Variants in PLEKHM3 observed in about 807,000 individuals in gnomAD.
The protein encoded by PLEKHM3 is pleckstrin homology domain-containing family M member 3.
A neutral mutation model predicts 81.8 loss-of-function variants in PLEKHM3; 45 were observed. The observed-to-expected ratio is 0.55, with a 90% confidence interval of 0.43 to 0.71. The LOEUF (loss-of-function observed/expected upper bound fraction) is 0.71, where lower values mean the gene tolerates loss of function less well. Among genes scored for constraint, PLEKHM3 ranks in the 30% least tolerant of loss-of-function variants. PLEKHM3 has a pLI of 0.00. For synonymous variants in PLEKHM3, 352 were observed against 356.4 expected, an observed-to-expected ratio of 0.99 and a Z score of 0.14; for missense variants, 788 against 924.3, an observed-to-expected ratio of 0.85 and a Z score of 1.91.
chr2:207,952,185 C>T (rs1384462652), intron 3 of PLEKHM3, among the ~76,000 whole-genome samples: 6 of 152,124 alleles, frequency 3.9e-5, no homozygotes, highest in South Asian at 2.1e-4. Flanking sequence ...GACACATTGT[C>T]GTTTTCTCTG....
chr2:207,984,761 C>A (rs534133139), intron 2 of PLEKHM3, among the ~76,000 whole-genome samples: 4 of 152,136 alleles, frequency 2.6e-5, no homozygotes, highest in African/African-American at 7.2e-5. Flanking sequence ...CTTTTTAAAT[C>A]TATAACAGTT....
At position 207,923,905 on chromosome 2, in the gene PLEKHM3, A is replaced by ATATATATTTTT. The variant is rs1396762429; in HGVS notation, c.1886+7020_1886+7021insAAAAATATATA. 8.5e-4 allele frequency among the ~76,000 whole-genome samples: 24 copies of ATATATATTTTT among 28,324 alleles called. 1 individual carries two copies. Among genetic ancestry groups the ATATATATTTTT allele is most frequent in the Non-Finnish European group, 1.0e-3 (16 of 15,522 alleles). The allele number at this position is 28,324 out of a possible 152,430, so 18.6% of individuals were successfully genotyped here. A position where few individuals can be genotyped will look rare whatever the true frequency, so the allele number is the denominator to read the frequency against. On this transcript the variant is annotated intron_variant, in intron 5 of 7. Transcript: ENST00000427836. ...CATATATATATATATATATATATAT[A>ATATATATTTTT]TTTTTTTTTTTTTTTTTTTCTGAGG...
At chr2:207,961,581 C>G (rs1690735358) in intron 3 of PLEKHM3, among the ~76,000 whole-genome samples, 1 of 151,952 alleles carries the variant, frequency 6.6e-6, no homozygotes, top group Admixed American at 6.6e-5. Flanking sequence ...CTTTTATATC[C>G]ATTTAAGAAA....
chr2:207,853,703 C>T (rs2105800219), intron 7 of PLEKHM3, among the ~76,000 whole-genome samples: 1 of 152,112 alleles, frequency 6.6e-6, no homozygotes, highest in East Asian at 1.9e-4. Flanking sequence ...CACTGCACTC[C>T]AGCCTTGGCG....
intron 5 of PLEKHM3, among the ~76,000 whole-genome samples, chr2:207,915,282 T>C (rs1688950300): frequency 6.6e-6 from 1 of 152,174 alleles, no homozygotes; most frequent in South Asian, 2.1e-4. Context: ...TAGCTGGTAC[T>C]TGGGGTTAAA....
chr2:207,992,126 CTG>C (rs1166596220), intron 2 of PLEKHM3, among the ~76,000 whole-genome samples: 3 of 152,180 alleles, frequency 2.0e-5, no homozygotes, highest in African/African-American at 4.8e-5. Flanking sequence ...CTAGATCACA[CTG>C]TGTTTTATTT....
intron 7 of PLEKHM3, among the ~76,000 whole-genome samples, chr2:207,836,159 A>T (rs956914359): frequency 2.0e-5 from 3 of 152,124 alleles, no homozygotes; most frequent in Non-Finnish European, 4.4e-5. Context: ...GGGCAGCATA[A>T]ATCTCACTTT....
intron 3 of PLEKHM3, among the ~76,000 whole-genome samples, chr2:207,963,834 T>A (rs1690819770): frequency 6.6e-6 from 1 of 152,170 alleles, no homozygotes; most frequent in African/African-American, 2.4e-5. Flanking sequence ...ATGGCTAACA[T>A]ATTGAACATA....
At chr2:207,849,971 A>G (rs1254404481) in intron 7 of PLEKHM3, among the ~76,000 whole-genome samples, 1 of 152,202 alleles carries the variant, frequency 6.6e-6, no homozygotes, top group East Asian at 1.9e-4. Context: ...TGGGAGGTCT[A>G]GGAAACATGG....
chr2:207,826,922 G>C lies in PLEKHM3; in HGVS notation c.*1397C>G, dbSNP rs945357506. The C allele has an allele frequency of 6.6e-6, 1 of 152,120 alleles. No homozygotes were observed. The highest frequency in any genetic ancestry group is 6.5e-5 in the Admixed American group (1 of 15,270). The allele number at this position is 152,120 out of a possible 1,614,324, so 9.4% of individuals were successfully genotyped here. On this transcript the variant is annotated 3_prime_UTR_variant, in exon 8 of 8. Transcript: ENST00000427836. ...GGAATGGGAGCTGTCAGGGTCCCAG[G>C]GCTGTCCTACCTGCCGTTTTGGTCA...
chr2:207,969,501 C>T (rs911518715), intron 3 of PLEKHM3, among the ~76,000 whole-genome samples: 2 of 152,180 alleles, frequency 1.3e-5, no homozygotes, highest in African/African-American at 2.4e-5. Context: ...GCCAGAAATA[C>T]GTCCTCATTT....
At chr2:208,004,584 G>GT (rs1162618193) in intron 1 of PLEKHM3, among the ~76,000 whole-genome samples, 1 of 152,110 alleles carries the variant, frequency 6.6e-6, no homozygotes, top group Admixed American at 6.5e-5. Context: ...CCCAAAGAAG[G>GT]TAAGAGGCCC....
At position 207,946,402 on chromosome 2, in the gene PLEKHM3, G is replaced by A. The variant is rs202021467; in HGVS notation, c.1657C>T (p.Arg553Cys). 1.4e-5 allele frequency: 22 copies of A among 1,613,988 alleles called. No homozygotes were observed. Among genetic ancestry groups the A allele is most frequent in the South Asian group, 3.3e-5 (3 of 91,084 alleles). The stretch of plus-strand genomic sequence containing the variant: ...GAAGTATCCCAGTTGTGGACTATGC[G>A]TGCTGGAATGAGAAAGCTGTCATCC... ...HVDDSFLIPA[R>C]IVHNWDTSKY... is the part of the protein sequence containing the mutation. The change falls in exon 4 of 8, where the codon CGC (arginine) becomes TGC (cysteine). Residue 553 changes from arginine to cysteine, a missense_variant. Transcript: ENST00000427836.
intron 3 of PLEKHM3, among the ~76,000 whole-genome samples, chr2:207,961,490 G>A (rs1690731519): frequency 6.6e-6 from 1 of 152,158 alleles, no homozygotes; most frequent in Admixed American, 6.5e-5. Context: ...TAGAATCCTA[G>A]TTTCCTTCTG....
intron 4 of PLEKHM3, among the ~76,000 whole-genome samples, chr2:207,931,609 C>T (rs1167747632): frequency 6.6e-6 from 1 of 152,192 alleles, no homozygotes; most frequent in African/African-American, 2.4e-5. Flanking sequence ...TTAAAAACGT[C>T]ATAAATTTAT....
chr2:207,935,388 G>A (rs973989716), intron 4 of PLEKHM3, among the ~76,000 whole-genome samples: 8 of 152,108 alleles, frequency 5.3e-5, no homozygotes, highest in East Asian at 1.9e-4. Flanking sequence ...GATCCAGCCC[G>A]GACCCCCACT....
intron 7 of PLEKHM3, among the ~76,000 whole-genome samples, chr2:207,848,381 A>T (rs1307235010): frequency 6.6e-6 from 1 of 152,142 alleles, no homozygotes; most frequent in East Asian, 1.9e-4. Flanking sequence ...TTGGCAGGTA[A>T]GTAAGTGACA....
At chr2:207,986,731 C>T (rs1691735169) in intron 2 of PLEKHM3, among the ~76,000 whole-genome samples, 1 of 150,670 alleles carries the variant, frequency 6.6e-6, no homozygotes, top group African/African-American at 2.4e-5. Context: ...AGTGCAGTGG[C>T]ATGATCATGG....
chr2:207,913,937 AC>A (rs1688895279), intron 5 of PLEKHM3, among the ~76,000 whole-genome samples: 1 of 151,840 alleles, frequency 6.6e-6, no homozygotes, highest in Non-Finnish European at 1.5e-5. Context: ...ATGAAAACAC[AC>A]ACACACACAC....
Sources: gnomAD v4.1 joint callset for allele counts (sites outside exome capture counted in the v4.1 genomes callset) on GRCh38, gnomAD v4.1.1 for gene constraint, MANE v1.5 for transcripts, NCBI Gene and HGNC (gene_info 2026-07-23, HGNC 2026-07-21) for gene names.